The following DDX19A variants were observed in gnomAD, a reference collection of about 807,000 sequenced individuals.
The protein encoded by DDX19A is DEAD-box helicase 19A.
A neutral mutation model predicts 60.6 loss-of-function variants in DDX19A; 12 were observed. The ratio of observed to expected loss-of-function variants is 0.20; its 90% confidence interval spans 0.13 to 0.32. The LOEUF (loss-of-function observed/expected upper bound fraction) is 0.32. DDX19A is among the 10% of genes least tolerant of loss of function. The probability of loss-of-function intolerance (pLI) is 1.00; values close to 1 mark genes in which losing one functional copy is unlikely to be tolerated. For missense variants in DDX19A, 337 were observed against 600.6 expected, an observed-to-expected ratio of 0.56 and a Z score of 4.59; for synonymous variants, 206 against 218.2, an observed-to-expected ratio of 0.94 and a Z score of 0.49.
chr16:70,365,087 T>G lies in DDX19A; in HGVS notation c.560T>G (p.Phe187Cys). ...TGKVIEQMGK[F>C]YPELKLAYAV... ...AAAGTGATTGAGCAGATGGGCAAAT[T>G]TTACCCAGAACTGAAGCTTGCCTAT... Residue 187 changes from phenylalanine to cysteine, a missense_variant, in exon 7 of 12, where the codon TTT becomes TGT. Transcript: ENST00000302243. 1 of 1,614,114 alleles carries G rather than the reference T, an allele frequency of 6.2e-7. No individual in the cohort carries two copies. The highest frequency in any genetic ancestry group is 8.5e-7 in the Non-Finnish European group (1 of 1,180,014).
At chr16:70,354,417 A>G (rs1964122676) in intron 2 of DDX19A, among the ~76,000 whole-genome samples, 1 of 152,136 alleles carries the variant, frequency 6.6e-6, no homozygotes, top group East Asian at 1.9e-4. Flanking sequence ...AAAGTGCTGG[A>G]ATTACAGGCA....
At chr16:70,370,655 T>G in intron 10 of DDX19A, 1 of 378,928 alleles carries the variant, frequency 2.6e-6, no homozygotes, top group Non-Finnish European at 4.7e-6. Flanking sequence ...GAGAATGTGC[T>G]ATAGCACTCC....
chr16:70,360,721 T>C (rs1964340083), intron 4 of DDX19A: 1 of 152,254 alleles, frequency 6.6e-6, no homozygotes, highest in Non-Finnish European at 1.5e-5. Flanking sequence ...CAAAAGGACT[T>C]CTAAATCTTA....
intron 10 of DDX19A, 80 bp from the exon 11 acceptor site, chr16:70,371,292 C>T (rs1248036329): frequency 1.4e-5 from 22 of 1,612,374 alleles, no homozygotes; most frequent in African/African-American, 4.0e-5. Context: ...AAAGTTGGTA[C>T]GCATTGACCT....
At chr16:70,349,731 TGAAA>T (rs1963956299) in intron 1 of DDX19A, among the ~76,000 whole-genome samples, 1 of 152,226 alleles carries the variant, frequency 6.6e-6, no homozygotes, top group Admixed American at 6.5e-5. Context: ...AGATCTTCTC[TGAAA>T]GAGTTACTGA....
At chr16:70,355,353 G>T in intron 2 of DDX19A, 132 bp from the exon 3 acceptor site, 1 of 686,162 alleles carries the variant, frequency 1.5e-6, no homozygotes, top group South Asian at 1.8e-5. Context: ...CCAGCCTTGG[G>T]CTACAAGAGG....
Position 70,373,194 on chromosome 16 carries a change from C to T in DDX19A, c.*1208C>T, listed in dbSNP as rs1344229924. The T allele has an allele frequency of 6.6e-6, 1 of 152,184 alleles. No individual in the cohort carries two copies. The highest frequency in any genetic ancestry group is 6.6e-5 in the Admixed American group (1 of 15,266). 9.4% of individuals were successfully genotyped at this position (152,184 alleles called of 1,614,324 possible). ...GCTGCTGTGAGCTGAAATGGCGCCA[C>T]TGCACTCCAGCCTGGGTAACAGAGC... On this transcript the variant is annotated 3_prime_UTR_variant, in exon 12 of 12. Transcript: ENST00000302243.
Position 70,371,294 on chromosome 16 carries a change from C to A in DDX19A, c.1184-78C>A, listed in dbSNP as rs1485851641. 16 of 1,613,158 alleles carry A rather than the reference C, an allele frequency of 9.9e-6. No individual in the cohort carries two copies. In the East Asian group the frequency reaches 3.6e-4, roughly 36 times the overall value. On this transcript the variant is annotated intron_variant, in intron 10 of 11. Coordinates refer to ENST00000302243, the MANE Select transcript of DDX19A (RefSeq NM_018332.5). ...TTCCCTCTATCCCAAAGTTGGTACG[C>A]ATTGACCTACCTATGGATGACAGTG... is the stretch of plus-strand genomic sequence containing the variant.
chr16:70,348,928 G>A (rs1378237406), intron 1 of DDX19A, among the ~76,000 whole-genome samples: 1 of 151,964 alleles, frequency 6.6e-6, no homozygotes, highest in Non-Finnish European at 1.5e-5. Flanking sequence ...CATGGGTGAC[G>A]GTGAGACCCT....
chr16:70,357,050 C>T, intron 4 of DDX19A: 1 of 271,768 alleles, frequency 3.7e-6, no homozygotes, highest in South Asian at 3.3e-5. Flanking sequence ...AGTTCAAGAC[C>T]AGCCTGACCA....
At position 70,366,878 on chromosome 16, in the gene DDX19A, G is replaced by A; in HGVS notation, c.1020+17G>A. ...TTCTGCCATGTGAGTAGCAGCGGCAGTGGCAGGCCTGGCCCCTCCCTCTCA... is the reference window on the plus strand; with the variant it reads ...TTCTGCCATGTGAGTAGCAGCGGCAATGGCAGGCCTGGCCCCTCCCTCTCA... On this transcript the variant is annotated intron_variant, in intron 9 of 11. Transcript: ENST00000302243. The A allele has an allele frequency of 6.2e-7, 1 of 1,613,934 alleles. No homozygotes were observed. Among genetic ancestry groups the A allele is most frequent in the Non-Finnish European group, 8.5e-7 (1 of 1,179,838 alleles).
In DDX19A at chr16:70,356,234, G is replaced by C. The variant is rs1964180742; in HGVS notation, c.280G>C (p.Glu94Gln). 6.2e-7 allele frequency: 1 copy of C among 1,614,080 alleles called. No homozygotes were observed. The highest frequency in any genetic ancestry group is 8.5e-7 in the Non-Finnish European group (1 of 1,180,048). The stretch of plus-strand genomic sequence containing the variant: ...CCCTCTGTACTCGGTGAAGTCGTTT[G>C]AAGAGCTTCGGCTGTGAGTATTCGC... ...NSPLYSVKSF[E>Q]ELRLKPQLLQ... The change falls in exon 4 of 12, where the codon GAA (glutamate) becomes CAA (glutamine). Residue 94 changes from glutamate (E) to glutamine (Q), a missense_variant. By Grantham distance (29) the Glu-to-Gln change is conservative. This residue lies in a region of DDX19A where 127 missense variants were observed against 160.3 expected (regional missense o/e 0.79). Coordinates refer to ENST00000302243, the MANE Select transcript of DDX19A (RefSeq NM_018332.5).
intron 4 of DDX19A, among the ~76,000 whole-genome samples, 173 bp from the exon 5 acceptor site, chr16:70,361,245 G>A (rs998648156): frequency 6.6e-6 from 1 of 152,162 alleles, no homozygotes; most frequent in African/African-American, 2.4e-5. Context: ...AGGGAAGGGC[G>A]GTAGCTTGGT....
chr16:70,370,910 C>T (rs1354192469), intron 10 of DDX19A: 6 of 216,628 alleles, frequency 2.8e-5, no homozygotes, highest in African/African-American at 7.0e-5. Flanking sequence ...ACAGGAGAAT[C>T]GCTTGAACCC....
intron 7 of DDX19A, 199 bp downstream of exon 7, chr16:70,365,330 A>G (rs916323288): frequency 4.9e-6 from 2 of 410,150 alleles, no homozygotes; most frequent in South Asian, 7.5e-5. Context: ...TTTTCGGTTG[A>G]TTAAAAAAAA....
At chr16:70,364,700 C>A in intron 6 of DDX19A, 55 bp downstream of exon 6, 1 of 1,331,888 alleles carries the variant, frequency 7.5e-7, no homozygotes, top group Non-Finnish European at 1.1e-6. Context: ...GAGCGCAGTG[C>A]CATCTGGTGA....
At chr16:70,367,092 A>G (rs1381533888) in intron 9 of DDX19A, among the ~76,000 whole-genome samples, 5 of 152,188 alleles carry the variant, frequency 3.3e-5, no homozygotes, top group Admixed American at 1.3e-4. Context: ...GTATTGTTGC[A>G]CAACCCAAGA....
At position 70,361,487 on chromosome 16, in the gene DDX19A, A is replaced by C; in HGVS notation, c.363A>C (p.Ala121=). The change falls in exon 5 of 12, where the codon GCA becomes GCC. Residue 121 remains alanine, a synonymous_variant. Coordinates refer to ENST00000302243, the MANE Select transcript of DDX19A (RefSeq NM_018332.5). ...GACCCTCCAAGATACAAGAGAACGC[A>C]TTACCCATGATGCTTGCTGAACCGT... ...FNRPSKIQEN[A]LPMMLAEPPQ... 1 of 1,612,642 alleles carries C rather than the reference A, an allele frequency of 6.2e-7. No individual in the cohort carries two copies. Among genetic ancestry groups the C allele is most frequent in the Non-Finnish European group, 8.5e-7 (1 of 1,178,904 alleles).
intron 4 of DDX19A, among the ~76,000 whole-genome samples, chr16:70,358,702 C>T (rs1018492163): frequency 6.6e-6 from 1 of 151,852 alleles, no homozygotes; most frequent in Non-Finnish European, 1.5e-5. Context: ...AAAAATTAGC[C>T]GGCTGTAATG....
Sources: gnomAD v4.1 joint callset for allele counts (sites outside exome capture counted in the v4.1 genomes callset) on GRCh38, gnomAD v4.1.1 for gene constraint, gnomAD v4.1.1 regional missense constraint, MANE v1.5 for transcripts, NCBI Gene and HGNC (gene_info 2026-07-23, HGNC 2026-07-21) for gene names.